SHTN1: variants seen among roughly 807,000 people sequenced by gnomAD.
SHTN1 encodes shootin-1.
In SHTN1, 42 loss-of-function variants were observed where a neutral mutation model predicts 83.1. That is an observed-to-expected ratio of 0.51 (90% CI 0.39 to 0.65). The LOEUF is 0.65. SHTN1 is among the 30% of genes least tolerant of loss of function. SHTN1 has a pLI of 0.00. For missense variants in SHTN1, 622 were observed against 737.8 expected, an observed-to-expected ratio of 0.84 and a Z score of 1.82; for synonymous variants, 224 against 247.7, an observed-to-expected ratio of 0.90 and a Z score of 0.90.
intron 2 of SHTN1, among the ~76,000 whole-genome samples, chr10:117,025,379 C>T (rs1852320715): frequency 6.6e-6 from 1 of 152,202 alleles, no homozygotes; most frequent in African/African-American, 2.4e-5. Flanking sequence ...TTGCCGATCC[C>T]AGTAGTACGA....
intron 1 of SHTN1, among the ~76,000 whole-genome samples, chr10:117,101,667 A>G (rs1050730036): frequency 6.6e-6 from 1 of 152,184 alleles, no homozygotes; most frequent in African/African-American, 2.4e-5. Context: ...AAACTACAGA[A>G]AGACATATAT....
chr10:117,045,747 A>C (rs1297841517), intron 2 of SHTN1, among the ~76,000 whole-genome samples: 3 of 152,318 alleles, frequency 2.0e-5, no homozygotes, highest in Middle Eastern at 3.4e-3. Flanking sequence ...AAAGACAATA[A>C]AACATGCAGC....
At chr10:116,998,338 C>T (rs1851703986) in intron 1 of SHTN1, among the ~76,000 whole-genome samples, 1 of 152,122 alleles carries the variant, frequency 6.6e-6, no homozygotes, top group Admixed American at 6.5e-5. Flanking sequence ...TCCCTCTTAT[C>T]TACCGTTTCA....
At chr10:116,925,840 T>G (rs78208477) in intron 11 of SHTN1, among the ~76,000 whole-genome samples, 1,888 of 152,190 alleles carry the variant, frequency 0.012, 46 homozygotes, top group African/African-American at 0.042. Context: ...CAGGCCCTAG[T>G]CTTTTTTTTT....
rs538133445 is a variant in SHTN1, at chr10:116,990,564, C to A, written c.59-11256G>T. On this transcript the variant is annotated intron_variant, in intron 1 of 16. Coordinates refer to ENST00000355371, the MANE Select transcript of SHTN1 (RefSeq NM_001127211.3). ...TCACTGCCTTGTTAACAATGAGGGT[C>A]TTTACTTTCTTAGGCTGTCGTTGGA... Among the ~76,000 whole-genome samples, 3 of 152,186 alleles carry A rather than the reference C, an allele frequency of 2.0e-5. No homozygotes were observed. In the East Asian group the frequency reaches 5.8e-4, roughly 29 times the overall value.
Position 116,974,089 on chromosome 10 carries a change from C to T in SHTN1, c.111+5167G>A, listed in dbSNP as rs1343090327. ...CTTCCAATTCAAAGTTCTTTCCCTCCAATTTTCACAGGCAAAAAAGAAGTG... is the reference window on the plus strand; with the variant it reads ...CTTCCAATTCAAAGTTCTTTCCCTCTAATTTTCACAGGCAAAAAAGAAGTG... On this transcript the variant is annotated intron_variant, in intron 2 of 16. Coordinates refer to ENST00000355371, the MANE Select transcript of SHTN1 (RefSeq NM_001127211.3). 7.4e-6 allele frequency: 8 copies of T among 1,075,856 alleles called. 1 individual carries two copies. Among genetic ancestry groups the T allele is most frequent in the East Asian group, 1.3e-4 (2 of 15,484 alleles). The allele number at this position is 1,075,856 out of a possible 1,614,324, so 66.6% of individuals were successfully genotyped here. A position where few individuals can be genotyped will look rare whatever the true frequency, so the allele number is the denominator to read the frequency against.
intron 11 of SHTN1, among the ~76,000 whole-genome samples, chr10:116,922,987 T>C (rs1848616900): frequency 6.6e-6 from 1 of 151,214 alleles, no homozygotes; most frequent in Non-Finnish European, 1.5e-5. Context: ...ATAAAAATAA[T>C]AATAATGTAG....
intron 1 of SHTN1, among the ~76,000 whole-genome samples, chr10:117,050,972 G>A (rs893656263): frequency 1.3e-5 from 2 of 152,158 alleles, no homozygotes; most frequent in African/African-American, 2.4e-5. Flanking sequence ...CAGGAGGATC[G>A]CTTGAGCCCA....
chr10:116,966,041 C>T (rs1323995368), intron 3 of SHTN1, among the ~76,000 whole-genome samples: 1 of 151,822 alleles, frequency 6.6e-6, no homozygotes, highest in African/African-American at 2.4e-5. Flanking sequence ...GGAGTCTCAC[C>T]CTGTCGCCAG....
intron 7 of SHTN1, 38 bp downstream of exon 7, chr10:116,948,878 G>T: frequency 7.1e-7 from 1 of 1,401,392 alleles, no homozygotes; most frequent in Non-Finnish European, 9.6e-7. Flanking sequence ...AGAACACACC[G>T]CATACGTATT....
intron 14 of SHTN1, chr10:116,907,838 C>A: frequency 1.9e-6 from 1 of 512,926 alleles, no homozygotes; most frequent in Admixed American, 2.0e-5. Flanking sequence ...TCCACCAAGG[C>A]TAATAATCTT....
intron 1 of SHTN1, among the ~76,000 whole-genome samples, chr10:117,072,539 C>CGGT (rs1853097605): frequency 6.6e-6 from 1 of 152,122 alleles, no homozygotes; most frequent in South Asian, 2.1e-4. Context: ...CATCACAGGA[C>CGGT]TCTGTGCAGA....
At chr10:117,028,864 T>C (rs191659708) in intron 2 of SHTN1, among the ~76,000 whole-genome samples, 4 of 152,076 alleles carry the variant, frequency 2.6e-5, no homozygotes, top group Admixed American at 2.6e-4. Flanking sequence ...ACTAAGGCAA[T>C]GAAGAGGGGA....
At chr10:117,035,005 G>C (rs1008186095) in intron 2 of SHTN1, among the ~76,000 whole-genome samples, 23 of 152,252 alleles carry the variant, frequency 1.5e-4, no homozygotes, top group African/African-American at 5.3e-4. Context: ...AACCACAAAA[G>C]ATCCAGAATA....
intron 1 of SHTN1, among the ~76,000 whole-genome samples, chr10:117,052,584 G>T (rs1429403489): frequency 6.6e-6 from 1 of 152,116 alleles, no homozygotes; most frequent in Non-Finnish European, 1.5e-5. Context: ...TGGATATATA[G>T]ATCGATGGAA....
At chr10:117,125,491 C>G (rs890673246) in intron 1 of SHTN1, among the ~76,000 whole-genome samples, 1 of 152,136 alleles carries the variant, frequency 6.6e-6, no homozygotes, top group African/African-American at 2.4e-5. Context: ...CCCATCTCAT[C>G]TTGTAACTGG....
rs923713912 is a variant in SHTN1 at position 117,083,967 on chromosome 10, C to A, written c.-188-35457G>T. On this transcript the variant is annotated intron_variant, in intron 1 of 17. Coordinates refer to the SHTN1 transcript ENST00000392901. The stretch of plus-strand genomic sequence containing the variant: ...TCTTCTAAATTTTTTTCAAAGTTTT[C>A]AACTTCTTTGCCTTTGGTTTGAATG... 3.0e-4 allele frequency among the ~76,000 whole-genome samples: 46 copies of A among 151,812 alleles called. No individual in the cohort carries two copies. In the East Asian group the frequency reaches 8.8e-3, roughly 29 times the overall value.
intron 1 of SHTN1, among the ~76,000 whole-genome samples, chr10:116,987,923 C>A (rs76479607): frequency 2.3e-4 from 34 of 146,382 alleles, no homozygotes; most frequent in Non-Finnish European, 3.8e-4. Flanking sequence ...AAAAAACAAA[C>A]AAACAAAAAA....
chr10:116,899,504 C>G (rs1370730919), intron 16 of SHTN1, among the ~76,000 whole-genome samples: 1 of 112,398 alleles, frequency 8.9e-6, no homozygotes, highest in South Asian at 3.0e-4. Flanking sequence ...GTGGCTGGGG[C>G]TGGTGTGTGT....
Sources: gnomAD v4.1 joint callset for allele counts (sites outside exome capture counted in the v4.1 genomes callset) on GRCh38, gnomAD v4.1.1 for gene constraint, MANE v1.5 for transcripts, NCBI Gene and HGNC (gene_info 2026-07-23, HGNC 2026-07-21) for gene names.